SLC51B: variants seen among roughly 807,000 people sequenced by gnomAD.
SLC51B encodes the protein SLC51 subunit beta.
A neutral mutation model predicts 8.0 loss-of-function variants in SLC51B; 6 were observed. The ratio of observed to expected loss-of-function variants is 0.75; its 90% confidence interval spans 0.41 to 1.48. The LOEUF is 1.48. SLC51B is among the 40% of genes most tolerant of loss of function. SLC51B has a pLI of 0.01. For synonymous variants in SLC51B, 61 were observed against 54.8 expected (o/e 1.11, Z -0.50); for missense variants, 150 against 149.7 (o/e 1.00, Z -0.01).
In SLC51B at chr15:65,053,061, CTT is replaced by C. The variant is rs748379131; in HGVS notation, c.286_287del (p.Leu96AlafsTer13). ...AACAGCCTAAACAACCTAAGAGAAA[CTT>C]TGCTCTCAGAAAAGCCAAACTTGGC... On this transcript the variant is annotated frameshift_variant, in exon 4 of 4. Transcript: ENST00000334287. LOFTEE classifies it low-confidence loss of function (END_TRUNC). The C allele has an allele frequency of 6.2e-7, 1 of 1,614,058 alleles. No individual in the cohort carries two copies. Among genetic ancestry groups the C allele is most frequent in the Non-Finnish European group, 8.5e-7 (1 of 1,180,006 alleles).
At chr15:65,050,833 CTTCT>C (rs1321067401) in intron 2 of SLC51B, among the ~76,000 whole-genome samples, 17 of 88,600 alleles carry the variant, frequency 1.9e-4, no homozygotes, top group Admixed American at 1.5e-4. Context: ...TCTTCTTCTT[CTTCT>C]TTTTTTTTTT....
Position 65,053,245 on chromosome 15 carries a change from G to T in SLC51B, c.*81G>T. 1 of 1,533,200 alleles carries T rather than the reference G, an allele frequency of 6.5e-7. No homozygotes were observed. Among genetic ancestry groups the T allele is most frequent in the Admixed American group, 2.2e-5 (1 of 44,696 alleles). The allele number at this position is 1,533,200 out of a possible 1,614,324, so 95.0% of individuals were successfully genotyped here. A position where few individuals can be genotyped will look rare whatever the true frequency, so the allele number is the denominator to read the frequency against. Reference sequence around the variant, plus strand: ...GTGGCCTGAAACCTCTCAGGTTTTAGAGTCTCTCCCAAGAAGCCGCTTTTT... The same window carrying T: ...GTGGCCTGAAACCTCTCAGGTTTTATAGTCTCTCCCAAGAAGCCGCTTTTT... On this transcript the variant is annotated 3_prime_UTR_variant, in exon 4 of 4. Coordinates refer to ENST00000334287, the MANE Select transcript of SLC51B (RefSeq NM_178859.4).
At chr15:65,048,096 G>T (rs980542914) in intron 1 of SLC51B, among the ~76,000 whole-genome samples, 1 of 151,822 alleles carries the variant, frequency 6.6e-6, no homozygotes, top group African/African-American at 2.4e-5. Context: ...AACGAGAACC[G>T]CTTGGACCCA....
intron 2 of SLC51B, among the ~76,000 whole-genome samples, chr15:65,050,852 TTGCC>T: frequency 4.1e-5 from 6 of 147,512 alleles, no homozygotes; most frequent in East Asian, 2.0e-4. Context: ...TTTTTTTTTT[TTGCC>T]TTTTTTTTGA....
rs1397145569 is a variant in SLC51B, at chr15:65,053,103, A to T, written c.326A>T (p.Glu109Val). The T allele has an allele frequency of 6.2e-7, 1 of 1,614,014 alleles. No homozygotes were observed. The highest frequency in any genetic ancestry group is 1.3e-5 in the African/African-American group (1 of 74,902). ...EKPNLAQVEL[E>V]LKERDVLSVF... The stretch of plus-strand genomic sequence containing the variant: ...CCAAACTTGGCCCAGGTGGAACTTG[A>T]GTTAAAAGAGAGAGATGTGCTGTCA... Residue 109 changes from glutamate to valine, a missense_variant, in exon 4 of 4, where the codon GAG becomes GTG. By Grantham distance (121) the Glu-to-Val change is moderately radical. Transcript: ENST00000334287.
chr15:65,049,257 G>T (rs1027640302), intron 1 of SLC51B: 3 of 149,130 alleles, frequency 2.0e-5, no homozygotes, highest in South Asian at 4.2e-4. Context: ...CGAAGTAAGG[G>T]ATTTATCCAG....
Position 65,051,659 on chromosome 15 carries a change from C to T in SLC51B, c.188+54C>T, listed in dbSNP as rs1486470352. On this transcript the variant is annotated intron_variant, in intron 3 of 3. Coordinates refer to ENST00000334287, the MANE Select transcript of SLC51B (RefSeq NM_178859.4). The stretch of plus-strand genomic sequence containing the variant: ...TGGTCTCTGTGGGGTAGAGGCCCTG[C>T]CTTCCCAGAGGGAAATCTAGAGAGG... 7 of 1,548,932 alleles carry T rather than the reference C, an allele frequency of 4.5e-6. No individual in the cohort carries two copies. In the Admixed American group the frequency reaches 1.2e-4, roughly 26 times the overall value.
intron 1 of SLC51B, among the ~76,000 whole-genome samples, chr15:65,048,792 T>A (rs2086608550): frequency 6.6e-6 from 1 of 152,162 alleles, no homozygotes. Context: ...GTGGATCACC[T>A]GAGGTCAAGA....
chr15:65,047,596 C>A (rs2086593157), intron 1 of SLC51B, among the ~76,000 whole-genome samples: 1 of 152,140 alleles, frequency 6.6e-6, no homozygotes, highest in Non-Finnish European at 1.5e-5. Context: ...GGGCCTGTGG[C>A]TGATGTTACT....
intron 2 of SLC51B, among the ~76,000 whole-genome samples, chr15:65,051,299 A>G (rs2086650167): frequency 6.6e-6 from 1 of 152,084 alleles, no homozygotes; most frequent in Non-Finnish European, 1.5e-5. Flanking sequence ...TGTCTCCTCC[A>G]TTAGATTAGG....
At chr15:65,051,489 GCT>G (rs1340156276) in intron 2 of SLC51B, 24 bp from the exon 3 acceptor site, 2 of 1,610,696 alleles carry the variant, frequency 1.2e-6, no homozygotes, top group African/African-American at 1.3e-5. Context: ...ATTCCTCAGG[GCT>G]CTGTCCTGTG....
chr15:65,046,799 G>C (rs2140502646), intron 1 of SLC51B, among the ~76,000 whole-genome samples: 1 of 152,054 alleles, frequency 6.6e-6, no homozygotes, highest in African/African-American at 2.4e-5. Flanking sequence ...TGTTGTACCA[G>C]CTGCTCAGGA....
intron 1 of SLC51B, among the ~76,000 whole-genome samples, chr15:65,047,798 TAGA>T (rs2086596255): frequency 8.6e-5 from 2 of 23,236 alleles, no homozygotes; most frequent in Non-Finnish European, 2.6e-4. Context: ...CGATAGATGA[TAGA>T]TAGATAGATA....
At chr15:65,051,734 C>G (rs932843232) in intron 3 of SLC51B, 129 bp downstream of exon 3, 6 of 710,726 alleles carry the variant, frequency 8.4e-6, no homozygotes, top group East Asian at 2.8e-5. Context: ...CAAAATTCAG[C>G]CTTCAGTGTC....
chr15:65,050,830 C>CTTTTTTTTTTTTTTTT (rs1206139825), intron 2 of SLC51B, among the ~76,000 whole-genome samples: 2 of 48,538 alleles, frequency 4.1e-5, no homozygotes, highest in African/African-American at 1.1e-4. Context: ...CTTTCTTCTT[C>CTTTTTTTTTTTTTTTT]TTCTTCTTTT....
At chr15:65,050,300 T>A (rs1458317243) in intron 2 of SLC51B, among the ~76,000 whole-genome samples, 199 bp downstream of exon 2, 1 of 152,182 alleles carries the variant, frequency 6.6e-6, no homozygotes, top group East Asian at 1.9e-4. Flanking sequence ...TGTGGTCGCT[T>A]ATTTATGCAG....
chr15:65,051,358 G>A (rs1218521861), intron 2 of SLC51B, among the ~76,000 whole-genome samples, 157 bp from the exon 3 acceptor site: 4 of 152,198 alleles, frequency 2.6e-5, no homozygotes, highest in East Asian at 1.9e-4. Context: ...TGTTAGACTG[G>A]GAGTGCCCCA....
At position 65,051,581 on chromosome 15, in the gene SLC51B, T is replaced by G. The variant is rs1328348105; in HGVS notation, c.164T>G (p.Leu55Arg). The G allele has an allele frequency of 1.9e-6, 3 of 1,613,514 alleles. No individual in the cohort carries two copies. Residue 55 changes from leucine (L) to arginine (R), a missense_variant, in exon 3 of 4, where the codon CTG becomes CGG. Leu to Arg is a moderately radical substitution (Grantham distance 102, BLOSUM62 -2). Coordinates refer to ENST00000334287, the MANE Select transcript of SLC51B (RefSeq NM_178859.4). Reference protein sequence around the residue: ...AVVVIISMVLLGRSIQASRKE... With the variant: ...AVVVIISMVLRGRSIQASRKE... The stretch of plus-strand genomic sequence containing the variant: ...GTGGTCATTATAAGCATGGTCCTCC[T>G]GGGAAGAAGCATCCAGGCAAGCAGG...
chr15:65,048,779 C>A (rs181743337), intron 1 of SLC51B, among the ~76,000 whole-genome samples: 1 of 152,102 alleles, frequency 6.6e-6, no homozygotes, highest in African/African-American at 2.4e-5. Flanking sequence ...GAGGCCAAGG[C>A]GGGTGGATCA....
Sources: gnomAD v4.1 joint callset for allele counts (sites outside exome capture counted in the v4.1 genomes callset) on GRCh38, gnomAD v4.1.1 for gene constraint, MANE v1.5 for transcripts, NCBI Gene and HGNC (gene_info 2026-07-23, HGNC 2026-07-21) for gene names.